BCL11A: variants seen among roughly 807,000 people sequenced by gnomAD.
BCL11A encodes BCL11 transcription factor A.
Under a neutral mutation model 55.9 loss-of-function variants are expected in BCL11A, and 2 were observed. The observed-to-expected ratio is 0.04, with a 90% CI of 0.01 to 0.11. BCL11A has a LOEUF of 0.11. BCL11A is among the 10% of genes least tolerant of loss of function. The pLI, the probability that BCL11A is intolerant of heterozygous loss-of-function variation, is 1.00. For synonymous variants in BCL11A, 465 were observed against 473.4 expected (o/e 0.98, Z 0.23); for missense variants, 817 against 1,137.1 (o/e 0.72, Z 4.05).
At chr2:60,479,628 G>C (rs1000144354) in intron 2 of BCL11A, among the ~76,000 whole-genome samples, 3 of 152,164 alleles carry the variant, frequency 2.0e-5, no homozygotes, top group African/African-American at 2.4e-5. Context: ...GAGTGTGGAC[G>C]GCAGGCTGAC....
At chr2:60,514,581 T>A (rs1668643887) in intron 2 of BCL11A, among the ~76,000 whole-genome samples, 1 of 146,088 alleles carries the variant, frequency 6.8e-6, no homozygotes, top group Admixed American at 6.9e-5. Flanking sequence ...GGCAGGAGAA[T>A]CACTTGAACC....
intron 2 of BCL11A, among the ~76,000 whole-genome samples, chr2:60,475,826 C>T (rs1307895524): frequency 6.6e-6 from 1 of 152,138 alleles, no homozygotes; most frequent in Admixed American, 6.5e-5. Flanking sequence ...ATTCCCACTG[C>T]CACCACTCCC....
At chr2:60,517,584 G>A (rs1363232395) in intron 2 of BCL11A, among the ~76,000 whole-genome samples, 6 of 152,226 alleles carry the variant, frequency 3.9e-5, no homozygotes, top group Non-Finnish European at 8.8e-5. Flanking sequence ...CGATAAAAGC[G>A]TGGGTGCAAG....
chr2:60,463,024 G>C (rs1337341842), intron 3 of BCL11A, among the ~76,000 whole-genome samples: 1 of 152,206 alleles, frequency 6.6e-6, no homozygotes. Context: ...TGTTGATATT[G>C]TTAAAATGAG....
At chr2:60,530,571 G>A (rs1207078791) in intron 2 of BCL11A, among the ~76,000 whole-genome samples, 1 of 151,312 alleles carries the variant, frequency 6.6e-6, no homozygotes. Context: ...CTGGTTCAGA[G>A]GAGGGAAAAA....
intron 2 of BCL11A, among the ~76,000 whole-genome samples, chr2:60,478,969 T>TG (rs768682313): frequency 2.3e-5 from 1 of 44,406 alleles, no homozygotes; most frequent in Non-Finnish European, 7.3e-5. Context: ...TTGTTTTTTG[T>TG]TTTTTTTTTT....
At chr2:60,519,010 C>T (rs1389549141) in intron 2 of BCL11A, among the ~76,000 whole-genome samples, 2 of 152,172 alleles carry the variant, frequency 1.3e-5, no homozygotes, top group Non-Finnish European at 2.9e-5. Context: ...TTTTAAAGAG[C>T]GATGGCACAC....
At chr2:60,539,641 G>T (rs1669832151) in intron 2 of BCL11A, among the ~76,000 whole-genome samples, 1 of 152,126 alleles carries the variant, frequency 6.6e-6, no homozygotes, top group African/African-American at 2.4e-5. Flanking sequence ...AAGTATACTG[G>T]CTTTAATAAT....
chr2:60,519,727 A>G (rs1022895718), intron 2 of BCL11A, among the ~76,000 whole-genome samples: 2 of 152,202 alleles, frequency 1.3e-5, no homozygotes, highest in African/African-American at 4.8e-5. Flanking sequence ...TGCAGCTGGG[A>G]GCCACTGGTT....
At chr2:60,528,383 T>G (rs1277792098) in intron 2 of BCL11A, 1 of 152,436 alleles carries the variant, frequency 6.6e-6, no homozygotes, top group Non-Finnish European at 1.5e-5. Flanking sequence ...CTCAGGACCC[T>G]CACTTGATTT....
At chr2:60,551,897 T>TC (rs1670429182) in intron 1 of BCL11A, among the ~76,000 whole-genome samples, 1 of 151,830 alleles carries the variant, frequency 6.6e-6, no homozygotes, top group Non-Finnish European at 1.5e-5. Context: ...CGCTCGGTCC[T>TC]CTGTCTGTTT....
chr2:60,533,589 TATCC>T (rs777463707), intron 2 of BCL11A: 2 of 152,212 alleles, frequency 1.3e-5, no homozygotes, highest in Non-Finnish European at 2.9e-5. Context: ...AATAGCAAAT[TATCC>T]ATTAGATTTC....
intron 2 of BCL11A, among the ~76,000 whole-genome samples, chr2:60,478,687 T>A (rs1677774784): frequency 6.6e-6 from 1 of 152,250 alleles, no homozygotes; most frequent in South Asian, 2.1e-4. Flanking sequence ...CAGGTCAGGC[T>A]CTAACATTTC....
intron 2 of BCL11A, among the ~76,000 whole-genome samples, chr2:60,503,617 T>C (rs1313227607): frequency 6.6e-6 from 1 of 152,166 alleles, no homozygotes; most frequent in Non-Finnish European, 1.5e-5. Flanking sequence ...AAAGCCTTGG[T>C]GGTTTCCACA....
At chr2:60,504,899 TC>T (rs1558650641) in intron 2 of BCL11A, among the ~76,000 whole-genome samples, 3 of 151,758 alleles carry the variant, frequency 2.0e-5, no homozygotes. Flanking sequence ...AAACAGAGCG[TC>T]CCCCCAAAAA....
In BCL11A at chr2:60,459,427, T is replaced by C. The variant is rs1379153023; in HGVS notation, c.*977A>G. ...TTTGGGCAAAACAGCCCATTTCTTT[T>C]AAGCTCTCACCAGGAGCAAAGTAGC... is the stretch of plus-strand genomic sequence containing the variant. On this transcript the variant is annotated 3_prime_UTR_variant, in exon 4 of 4. Transcript: ENST00000642384. 1 of 1,022,384 alleles carries C rather than the reference T, an allele frequency of 9.8e-7. No individual in the cohort carries two copies. The highest frequency in any genetic ancestry group is 1.2e-6 in the Non-Finnish European group (1 of 851,560). The allele number at this position is 1,022,384 out of a possible 1,614,324, so 63.3% of individuals were successfully genotyped here.
intron 1 of BCL11A, chr2:60,550,754 G>C (rs1670376773): frequency 2.5e-6 from 1 of 398,470 alleles, no homozygotes; most frequent in Non-Finnish European, 4.4e-6. Context: ...GGGTACGAGG[G>C]AGCAGCCTGG....
In BCL11A at chr2:60,460,975, G is replaced by A. The variant is rs770749600; in HGVS notation, c.1937C>T (p.Pro646Leu). 8.1e-6 allele frequency: 13 copies of A among 1,609,426 alleles called. No homozygotes were observed. In the Admixed American group the frequency reaches 2.0e-4, roughly 25 times the overall value. Residue 646 changes from proline to leucine, a missense_variant, in exon 4 of 4, where the codon CCG becomes CTG. Pro to Leu is a moderately conservative substitution (Grantham distance 98). Around this residue, in one of 4 missense-constraint regions of BCL11A, gnomAD observed 379 missense variants for 425.3 expected, o/e 0.89. Coordinates refer to ENST00000642384, the MANE Select transcript of BCL11A (RefSeq NM_022893.4). ...GTTCTCCGTGTTGGGCATCGCGGCC[G>A]GGGGCAGGTCGAACTCCTTCTCGAG... ...IKLEKEFDLP[P>L]AAMPNTENVY...
rs905625411 is a variant in BCL11A, at chr2:60,547,329, C to T, written c.56-1029G>A. Among the ~76,000 whole-genome samples the T allele has an allele frequency of 8.5e-5, 13 of 152,100 alleles. 1 individual carries two copies. The highest frequency in any genetic ancestry group is 7.2e-4 in the Admixed American group (11 of 15,262). On this transcript the variant is annotated intron_variant, in intron 1 of 3. Coordinates refer to ENST00000642384, the MANE Select transcript of BCL11A (RefSeq NM_022893.4). ...TTCATTATGAGACTATTTCTGCACACATAATCACCAGCGGATGGTATAACA... is the reference window on the plus strand; with the variant it reads ...TTCATTATGAGACTATTTCTGCACATATAATCACCAGCGGATGGTATAACA...
Sources: gnomAD v4.1 joint callset for allele counts (sites outside exome capture counted in the v4.1 genomes callset) on GRCh38, gnomAD v4.1.1 for gene constraint, gnomAD v4.1.1 regional missense constraint, MANE v1.5 for transcripts, NCBI Gene and HGNC (gene_info 2026-07-23, HGNC 2026-07-21) for gene names.